The following POU3F3 variants were observed in gnomAD, a reference collection of about 807,000 sequenced individuals.
POU3F3 encodes POU domain, class 3, transcription factor 3.
POU3F3 carries 1 observed loss-of-function variant against 8.6 expected under a neutral mutation model. The ratio of observed to expected loss-of-function variants is 0.12; its 90% CI spans 0.04 to 0.55. The LOEUF (loss-of-function observed/expected upper bound fraction) is 0.55. Among genes scored for constraint, POU3F3 ranks in the 20% least tolerant of loss-of-function variants. The pLI, the probability that POU3F3 is intolerant of heterozygous loss-of-function variation, is 0.91. For synonymous variants in POU3F3, 418 were observed against 327.4 expected, an observed-to-expected ratio of 1.28 and a Z score of -2.99; for missense variants, 577 against 690.7, an observed-to-expected ratio of 0.84 and a Z score of 1.84.
At chr2:104,927,746 CAAAAAA>C in the POU3F3 span, among the ~76,000 whole-genome samples, 103 of 79,458 alleles carry the variant, frequency 1.3e-3, 1 homozygote, top group Non-Finnish European at 2.2e-3. Flanking sequence ...GACCTTGTCT[CAAAAAA>C]AAAAAAAAAA....
At chr2:104,896,065 G>T in the POU3F3 span, among the ~76,000 whole-genome samples, 1 of 152,190 alleles carries the variant, frequency 6.6e-6, no homozygotes, top group Non-Finnish European at 1.5e-5. Flanking sequence ...GAGCGGCAGG[G>T]AGCAGGAACT....
At chr2:104,895,693 T>C in the POU3F3 span, among the ~76,000 whole-genome samples, 2 of 152,236 alleles carry the variant, frequency 1.3e-5, no homozygotes, top group Non-Finnish European at 2.9e-5. Context: ...CTGCTTATGT[T>C]ACTTTCCACT....
chr2:104,918,035 A>G, the POU3F3 span, among the ~76,000 whole-genome samples: 33 of 152,308 alleles, frequency 2.2e-4, no homozygotes, highest in African/African-American at 6.5e-4. Flanking sequence ...ATCTAGATAA[A>G]CCTGAAGATT....
At chr2:104,889,444 G>A in the POU3F3 span, among the ~76,000 whole-genome samples, 2 of 152,164 alleles carry the variant, frequency 1.3e-5, no homozygotes, top group African/African-American at 4.8e-5. Flanking sequence ...CTCCACCCTG[G>A]TGTGCATTCC....
At chr2:104,889,911 T>C in the POU3F3 span, among the ~76,000 whole-genome samples, 2 of 151,874 alleles carry the variant, frequency 1.3e-5, no homozygotes, top group African/African-American at 4.8e-5. Context: ...TCTTGTAAGT[T>C]TTTTTTTTCA....
chr2:104,921,391 A>G, the POU3F3 span, among the ~76,000 whole-genome samples: 1 of 152,160 alleles, frequency 6.6e-6, no homozygotes, highest in Non-Finnish European at 1.5e-5. Context: ...TAATGTAACT[A>G]TTTTGAAACT....
At chr2:104,871,015 C>T in the POU3F3 span, among the ~76,000 whole-genome samples, 1 of 152,218 alleles carries the variant, frequency 6.6e-6, no homozygotes, top group Non-Finnish European at 1.5e-5. Context: ...CTCTTTGCTG[C>T]CTGGGTTCCC....
the POU3F3 span, among the ~76,000 whole-genome samples, chr2:104,917,484 C>A: frequency 1.8e-4 from 28 of 151,850 alleles, no homozygotes; most frequent in African/African-American, 6.3e-4. Context: ...AAGAGAGGGG[C>A]CTGAGCAAGT....
chr2:104,871,632 G>C, the POU3F3 span, among the ~76,000 whole-genome samples: 1 of 152,134 alleles, frequency 6.6e-6, no homozygotes, highest in African/African-American at 2.4e-5. Flanking sequence ...AAGTACTTTT[G>C]TTATATTTGC....
the POU3F3 span, chr2:104,867,311 G>C: frequency 6.6e-6 from 1 of 152,234 alleles, no homozygotes; most frequent in African/African-American, 2.4e-5. This position sits in a 1 kb window ranked among gnomAD's most constrained non-coding sequence, Gnocchi z 5.0. Context: ...GGCCCTCTCC[G>C]CTGGGGGCGA....
chr2:104,921,709 A>T, the POU3F3 span, among the ~76,000 whole-genome samples: 1 of 152,212 alleles, frequency 6.6e-6, no homozygotes, highest in South Asian at 2.1e-4. Flanking sequence ...TTCAGAAGTG[A>T]CCACATAGCC....
chr2:104,880,200 C>T, the POU3F3 span, among the ~76,000 whole-genome samples: 2 of 152,274 alleles, frequency 1.3e-5, no homozygotes, highest in African/African-American at 4.8e-5. Context: ...CCGCCCCCCA[C>T]CACATAGACA....
the POU3F3 span, among the ~76,000 whole-genome samples, chr2:104,901,638 A>G: frequency 6.6e-6 from 1 of 152,194 alleles, no homozygotes; most frequent in African/African-American, 2.4e-5. Context: ...CTGCTCACAT[A>G]ACACTCGCAG....
At chr2:104,860,176 C>G (rs574980513), downstream of POU3F3, among the ~76,000 whole-genome samples, 3 of 152,282 alleles carry the variant, frequency 2.0e-5, no homozygotes, top group African/African-American at 7.2e-5. Flanking sequence ...TTGCTGATTA[C>G]TTTGGAAGAA....
At chr2:104,897,095 GA>G in the POU3F3 span, among the ~76,000 whole-genome samples, 1 of 152,224 alleles carries the variant, frequency 6.6e-6, no homozygotes, top group South Asian at 2.1e-4. Context: ...TGATAGTCCA[GA>G]AGTAGAGGAA....
chr2:104,912,196 C>T, the POU3F3 span, among the ~76,000 whole-genome samples: 1 of 152,140 alleles, frequency 6.6e-6, no homozygotes, highest in Non-Finnish European at 1.5e-5. Context: ...TCGTGCTGGT[C>T]GGGCAAGCAT....
chr2:104,914,906 G>A, the POU3F3 span, among the ~76,000 whole-genome samples: 1 of 152,206 alleles, frequency 6.6e-6, no homozygotes, highest in African/African-American at 2.4e-5. Flanking sequence ...GGGCTAGAGT[G>A]ACAGAGGGTG....
chr2:104,904,230 A>C, the POU3F3 span, among the ~76,000 whole-genome samples: 1 of 152,208 alleles, frequency 6.6e-6, no homozygotes, highest in Non-Finnish European at 1.5e-5. Context: ...GAACGGTTGG[A>C]GGGTCAACTA....
chr2:104,904,213 C>T, the POU3F3 span, among the ~76,000 whole-genome samples: 1 of 152,174 alleles, frequency 6.6e-6, no homozygotes, highest in Admixed American at 6.5e-5. Context: ...TACTCTGCAG[C>T]TGTGGGGAAC....
Sources: gnomAD v4.1 joint callset for allele counts (sites outside exome capture counted in the v4.1 genomes callset) on GRCh38, gnomAD v4.1.1 for gene constraint, Gnocchi (gnomAD v3.1) non-coding constraint, MANE v1.5 for transcripts, NCBI Gene and HGNC (gene_info 2026-07-23, HGNC 2026-07-21) for gene names.